SMARCA2: variants seen among roughly 807,000 people sequenced by gnomAD.
SMARCA2 encodes SWI/SNF related BAF chromatin remodeling complex subunit ATPase 2.
SMARCA2 carries 61 observed loss-of-function variants against 199.8 expected under a neutral mutation model. The observed-to-expected ratio is 0.31, with a 90% CI of 0.25 to 0.38. The LOEUF (loss-of-function observed/expected upper bound fraction) is 0.38, where lower values mean the gene tolerates loss of function less well. SMARCA2 is among the 10% of genes least tolerant of loss of function. SMARCA2 has a pLI of 1.00. For synonymous variants in SMARCA2, 935 were observed against 732.0 expected, an observed-to-expected ratio of 1.28 and a Z score of -4.48; for missense variants, 1,344 against 2,012.2, an observed-to-expected ratio of 0.67 and a Z score of 6.35.
chr9:2,173,052 G>A (rs909881185), intron 29 of SMARCA2, among the ~76,000 whole-genome samples: 3 of 152,180 alleles, frequency 2.0e-5, no homozygotes, highest in African/African-American at 4.8e-5. Context: ...CTTAGGGGCA[G>A]TCTGGATGTG....
At chr9:2,046,520 C>T (rs577473683) in intron 4 of SMARCA2, among the ~76,000 whole-genome samples, 2 of 152,186 alleles carry the variant, frequency 1.3e-5, no homozygotes, top group African/African-American at 4.8e-5. Flanking sequence ...TTTAAGTTCC[C>T]AGACTTCACT....
rs7855601 is a variant in SMARCA2, at chr9:2,080,815, G to C, written c.2185-1017G>C. On this transcript the variant is annotated intron_variant, in intron 14 of 33. Coordinates refer to ENST00000349721, the MANE Select transcript of SMARCA2 (RefSeq NM_003070.5). ...GTTTTATATGTATACATATACATTG[G>C]CACTGTCAACCACTTCTTGGCATAT... 6.1e-3 allele frequency among the ~76,000 whole-genome samples: 934 copies of C among 152,200 alleles called. 14 individuals carry two copies. Among genetic ancestry groups the C allele is most frequent in the African/African-American group, 0.021 (892 of 41,532 alleles).
In SMARCA2 at chr9:2,123,532, G is replaced by T. The variant is rs1423803514; in HGVS notation, c.3763-187G>T. Among the ~76,000 whole-genome samples the T allele has an allele frequency of 6.6e-6, 1 of 152,130 alleles. No homozygotes were observed. Among genetic ancestry groups the T allele is most frequent in the African/African-American group, 2.4e-5 (1 of 41,428 alleles). On this transcript the variant is annotated intron_variant, in intron 26 of 33. Coordinates refer to ENST00000349721, the MANE Select transcript of SMARCA2 (RefSeq NM_003070.5). The surrounding 1 kb of genome is among the most constrained non-coding windows in gnomAD (Gnocchi z 4.1). ...AAAAGGTGGGTACAGAAAAAGGGAGGGGATTTTACTTAATGGAATCTCTCC... is the reference window on the plus strand; with the variant it reads ...AAAAGGTGGGTACAGAAAAAGGGAGTGGATTTTACTTAATGGAATCTCTCC...
At chr9:2,018,515 G>C (rs1029292165) in intron 1 of SMARCA2, among the ~76,000 whole-genome samples, 1 of 152,258 alleles carries the variant, frequency 6.6e-6, no homozygotes, top group African/African-American at 2.4e-5. Context: ...GCTCAAGGAA[G>C]ACATTAAGGA....
chr9:2,028,330 AC>A (rs1264677499), intron 1 of SMARCA2, among the ~76,000 whole-genome samples: 1 of 149,014 alleles, frequency 6.7e-6, no homozygotes, highest in Non-Finnish European at 1.5e-5. Flanking sequence ...TGCTGAGACT[AC>A]AGCTGTGTTT....
intron 27 of SMARCA2, among the ~76,000 whole-genome samples, chr9:2,155,720 C>CT (rs59156319): frequency 0.013 from 718 of 53,198 alleles, 167 homozygotes; most frequent in East Asian, 0.02. Flanking sequence ...AAGAGAAAAC[C>CT]TTTTTTTTTT....
intron 2 of SMARCA2, among the ~76,000 whole-genome samples, chr9:2,030,176 G>T (rs144533040): frequency 5.5e-4 from 83 of 152,272 alleles, no homozygotes; most frequent in African/African-American, 1.9e-3. Flanking sequence ...CCAGAGAAAC[G>T]GAACCAATAG....
intron 27 of SMARCA2, among the ~76,000 whole-genome samples, chr9:2,137,333 G>T (rs1347975364): frequency 4.1e-4 from 62 of 152,140 alleles, no homozygotes; most frequent in Non-Finnish European, 7.3e-5. Flanking sequence ...TTCTCCAGTG[G>T]CCTTCCATTG....
At chr9:2,130,916 C>G (rs190903686) in intron 27 of SMARCA2, among the ~76,000 whole-genome samples, 5 of 152,206 alleles carry the variant, frequency 3.3e-5, no homozygotes, top group Admixed American at 3.3e-4. Flanking sequence ...TTTCTAGCAC[C>G]GTAAGGCAGT....
chr9:2,147,562 T>G (rs1029664483), intron 27 of SMARCA2, among the ~76,000 whole-genome samples: 1 of 152,156 alleles, frequency 6.6e-6, no homozygotes, highest in African/African-American at 2.4e-5. Flanking sequence ...CCAGTTTTGG[T>G]GTTCTGGGCG....
chr9:2,155,385 C>A (rs1336446408), intron 27 of SMARCA2, among the ~76,000 whole-genome samples: 2 of 152,144 alleles, frequency 1.3e-5, no homozygotes, highest in African/African-American at 4.8e-5. Flanking sequence ...CGGGTTCAAG[C>A]GATTCTCCTG....
intron 27 of SMARCA2, among the ~76,000 whole-genome samples, chr9:2,142,167 G>A (rs568572079): frequency 6.6e-6 from 1 of 152,286 alleles, no homozygotes; most frequent in South Asian, 2.1e-4. Flanking sequence ...GCTAGTGGGT[G>A]TTGGTCTTCA....
intron 27 of SMARCA2, among the ~76,000 whole-genome samples, chr9:2,145,967 G>T (rs1254825332): frequency 6.6e-6 from 1 of 152,202 alleles, no homozygotes; most frequent in Non-Finnish European, 1.5e-5. Context: ...TAATCACAAA[G>T]GTGGGAATAA....
chr9:2,186,393 C>T lies in SMARCA2; in HGVS notation c.4594+165C>T, dbSNP rs150965441. Among the ~76,000 whole-genome samples, 1,362 of 152,294 alleles carry T rather than the reference C, an allele frequency of 8.9e-3. 16 individuals are homozygous for T. Among genetic ancestry groups the T allele is most frequent in the Non-Finnish European group, 0.011 (771 of 68,020 alleles). On this transcript the variant is annotated intron_variant, in intron 32 of 33. Transcript: ENST00000349721. ...ACCGGTGGCCATGTCCTTATCCCTG[C>T]TCATGCTCAGTTTTCTCATCTATAA...
At chr9:2,159,187 G>A (rs1448911051) in intron 27 of SMARCA2, among the ~76,000 whole-genome samples, 1 of 152,170 alleles carries the variant, frequency 6.6e-6, no homozygotes, top group Non-Finnish European at 1.5e-5. Context: ...AAGGCGGGGT[G>A]AGAGTAGAAA....
intron 27 of SMARCA2, among the ~76,000 whole-genome samples, chr9:2,136,194 T>C (rs1824187978): frequency 6.6e-6 from 1 of 151,360 alleles, no homozygotes; most frequent in South Asian, 2.1e-4. Flanking sequence ...TTCTTTTTTT[T>C]TTTTTTTTTT....
chr9:2,184,985 T>C (rs1441840892), intron 31 of SMARCA2, among the ~76,000 whole-genome samples: 1 of 152,108 alleles, frequency 6.6e-6, no homozygotes, highest in Non-Finnish European at 1.5e-5. Flanking sequence ...AAGGAATATG[T>C]TCCTAAAGAG....
rs1419902494 is a variant in SMARCA2 at position 2,016,068 on chromosome 9, G to T, written c.-37+664G>T. On this transcript the variant is annotated intron_variant, in intron 1 of 33. Coordinates refer to ENST00000349721, the MANE Select transcript of SMARCA2 (RefSeq NM_003070.5). This position sits in a 1 kb window ranked among gnomAD's most constrained non-coding sequence, Gnocchi z 5.6. Reference sequence around the variant, plus strand: ...GACTTGTTCAAAGGGCTCCGGCTGCGGAGACGTGAGCGGATCGCAGCGGGA... The same window carrying T: ...GACTTGTTCAAAGGGCTCCGGCTGCTGAGACGTGAGCGGATCGCAGCGGGA... The T allele has an allele frequency of 6.6e-6, 1 of 152,278 alleles. No individual in the cohort carries two copies. Among genetic ancestry groups the T allele is most frequent in the African/African-American group, 2.4e-5 (1 of 41,458 alleles). 9.4% of individuals were successfully genotyped at this position (152,278 alleles called of 1,614,324 possible). A position where few individuals can be genotyped will look rare whatever the true frequency, so the allele number is the denominator to read the frequency against.
chr9:2,191,249 A>ACAAGAT lies in SMARCA2; in HGVS notation c.4595-17_4595-16insCAAGAT. 6.2e-7 allele frequency: 1 copy of ACAAGAT among 1,612,986 alleles called. No individual in the cohort carries two copies. The highest frequency in any genetic ancestry group is 8.5e-7 in the Non-Finnish European group (1 of 1,179,192). On this transcript the variant is annotated splice_polypyrimidine_tract_variant and intron_variant, in intron 32 of 33. Coordinates refer to ENST00000349721, the MANE Select transcript of SMARCA2 (RefSeq NM_003070.5). ...GTGATTACTCACTGGTGTCTATTTC[A>ACAAGAT]TTTGCTTTGGTTTTAGCAAAATCAG... is the stretch of plus-strand genomic sequence containing the variant.
Sources: allele counts gnomAD v4.1 joint callset (sites outside exome capture counted in the v4.1 genomes callset), GRCh38; gene constraint gnomAD v4.1.1; non-coding constraint Gnocchi (gnomAD v3.1); transcripts MANE v1.5; gene names NCBI Gene and HGNC (gene_info 2026-07-23, HGNC 2026-07-21).